Variants in SDK1 observed in about 807,000 individuals in gnomAD.
SDK1 encodes sidekick cell adhesion molecule 1, also known as protein sidekick-1.
A neutral mutation model predicts 245.5 loss-of-function variants in SDK1; 157 were observed. The ratio of observed to expected loss-of-function variants is 0.64; its 90% confidence interval spans 0.56 to 0.73. SDK1 has a LOEUF of 0.73. Ranked by LOEUF, SDK1 falls within the 30% of genes least tolerant of loss-of-function variation. The probability of loss-of-function intolerance (pLI) is 0.00; values close to 1 mark genes in which losing one functional copy is unlikely to be tolerated. For missense variants in SDK1, 3,583 were observed against 3,002.3 expected, an observed-to-expected ratio of 1.19 and a Z score of -4.52; for synonymous variants, 1,647 against 1,278.5, an observed-to-expected ratio of 1.29 and a Z score of -6.15.
At chr7:3,408,659 G>C (rs748546363) in intron 1 of SDK1, among the ~76,000 whole-genome samples, 1 of 152,074 alleles carries the variant, frequency 6.6e-6, no homozygotes, top group Non-Finnish European at 1.5e-5. Context: ...TTGTATAAAC[G>C]TATCAATTTG....
chr7:4,084,942 T>C (rs1781338104), intron 22 of SDK1, among the ~76,000 whole-genome samples: 1 of 152,054 alleles, frequency 6.6e-6, no homozygotes, highest in African/African-American at 2.4e-5. Context: ...TTTATATTTT[T>C]AGTAGAGATG....
intron 5 of SDK1, among the ~76,000 whole-genome samples, chr7:3,885,552 G>A (rs189647433): frequency 9.8e-5 from 15 of 152,306 alleles, no homozygotes; most frequent in Non-Finnish European, 2.2e-4. Flanking sequence ...CCTCAGGCCT[G>A]TACCACCTGG....
Position 4,268,616 on chromosome 7 carries a change from C to T in SDK1, c.*3232C>T. The T allele has an allele frequency of 2.9e-6, 4 of 1,366,966 alleles. No individual in the cohort carries two copies. Among genetic ancestry groups the T allele is most frequent in the Non-Finnish European group, 3.9e-6 (4 of 1,021,470 alleles). The allele number at this position is 1,366,966 out of a possible 1,614,324, so 84.7% of individuals were successfully genotyped here. Reference sequence around the variant, plus strand: ...GTATCTAACTGTGACTGGGCTGAAGCATGATGTTTGCCTAATGGTTCGTAG... The same window carrying T: ...GTATCTAACTGTGACTGGGCTGAAGTATGATGTTTGCCTAATGGTTCGTAG... On this transcript the variant is annotated 3_prime_UTR_variant, in exon 45 of 45. Transcript: ENST00000404826.
chr7:4,238,059 C>G (rs1786290858), intron 42 of SDK1, among the ~76,000 whole-genome samples: 1 of 151,812 alleles, frequency 6.6e-6, no homozygotes, highest in African/African-American at 2.4e-5. Context: ...TCAGAGATCC[C>G]CACTCTGTAC....
At chr7:3,792,711 TCC>T (rs1778842210) in intron 4 of SDK1, among the ~76,000 whole-genome samples, 1 of 151,310 alleles carries the variant, frequency 6.6e-6, no homozygotes, top group Non-Finnish European at 1.5e-5. Flanking sequence ...CATCCATCCA[TCC>T]ATCCATCCGT....
At chr7:3,460,955 A>G (rs1562499547) in intron 1 of SDK1, among the ~76,000 whole-genome samples, 1 of 152,224 alleles carries the variant, frequency 6.6e-6, no homozygotes, top group African/African-American at 2.4e-5. Context: ...TTATAAAAAC[A>G]TGAACATTCA....
At chr7:3,818,545 T>C (rs567130756) in intron 4 of SDK1, among the ~76,000 whole-genome samples, 1 of 152,338 alleles carries the variant, frequency 6.6e-6, no homozygotes, top group Non-Finnish European at 1.5e-5. Context: ...TACATAGGAC[T>C]TATTTGCAGT....
intron 1 of SDK1, among the ~76,000 whole-genome samples, chr7:3,589,471 G>A (rs1268904247): frequency 6.6e-6 from 1 of 152,150 alleles, no homozygotes; most frequent in East Asian, 1.9e-4. Flanking sequence ...ATTACTATTG[G>A]CTGCTGTGAG....
chr7:4,015,532 G>A (rs1217812731), intron 16 of SDK1, among the ~76,000 whole-genome samples: 1 of 152,172 alleles, frequency 6.6e-6, no homozygotes, highest in East Asian at 1.9e-4. Context: ...GTGAATCCAT[G>A]CCAAGCCTTT....
intron 2 of SDK1, among the ~76,000 whole-genome samples, chr7:3,633,271 T>A (rs531279115): frequency 1.2e-4 from 18 of 152,282 alleles, no homozygotes; most frequent in Admixed American, 5.9e-4. Flanking sequence ...GAGAAAAATC[T>A]TACATCTAAT....
At chr7:3,732,031 C>T (rs1779194390) in intron 4 of SDK1, among the ~76,000 whole-genome samples, 1 of 152,180 alleles carries the variant, frequency 6.6e-6, no homozygotes, top group South Asian at 2.1e-4. Context: ...ACCTCGTGAT[C>T]CACCCGCCTC....
chr7:3,779,661 G>A (rs536895570), intron 4 of SDK1, among the ~76,000 whole-genome samples: 18 of 152,212 alleles, frequency 1.2e-4, no homozygotes, highest in Admixed American at 2.0e-4. Flanking sequence ...GTCCGGGCGC[G>A]GTGGCTCACG....
intron 1 of SDK1, among the ~76,000 whole-genome samples, chr7:3,419,638 C>G (rs1779482685): frequency 6.6e-6 from 1 of 152,192 alleles, no homozygotes; most frequent in South Asian, 2.1e-4. Context: ...AGTCATCTTT[C>G]ACAATGTCGA....
At chr7:3,738,106 TC>T (rs1226789906) in intron 4 of SDK1, among the ~76,000 whole-genome samples, 1 of 152,240 alleles carries the variant, frequency 6.6e-6, no homozygotes, top group African/African-American at 2.4e-5. Flanking sequence ...TCTTGTTACA[TC>T]CAAGAAATCA....
At chr7:3,325,649 G>C (rs1292759355) in intron 1 of SDK1, among the ~76,000 whole-genome samples, 1 of 152,084 alleles carries the variant, frequency 6.6e-6, no homozygotes, top group Non-Finnish European at 1.5e-5. Context: ...TCAACAAAAT[G>C]AACCAGCTTC....
At chr7:3,658,954 A>G (rs773027137) in intron 4 of SDK1, among the ~76,000 whole-genome samples, 1 of 152,068 alleles carries the variant, frequency 6.6e-6, no homozygotes, top group Non-Finnish European at 1.5e-5. Context: ...CCATCACCCC[A>G]GAAGAAAACC....
intron 5 of SDK1, among the ~76,000 whole-genome samples, chr7:3,856,951 T>C (rs916132986): frequency 6.6e-6 from 1 of 152,158 alleles, no homozygotes; most frequent in Non-Finnish European, 1.5e-5. Context: ...CAAAGAGGGA[T>C]ATTTCCTGCT....
intron 35 of SDK1, among the ~76,000 whole-genome samples, chr7:4,193,112 T>A (rs1783308255): frequency 7.5e-6 from 1 of 134,114 alleles, no homozygotes; most frequent in Non-Finnish European, 1.5e-5. Flanking sequence ...TATAAATATA[T>A]TAAAATATAT....
At chr7:3,468,784 G>A (rs915629660) in intron 1 of SDK1, among the ~76,000 whole-genome samples, 4 of 152,090 alleles carry the variant, frequency 2.6e-5, no homozygotes, top group African/African-American at 4.8e-5. Context: ...GCATAAAAGT[G>A]GACAACTTCC....
Sources: gnomAD v4.1 joint callset for allele counts (sites outside exome capture counted in the v4.1 genomes callset) on GRCh38, gnomAD v4.1.1 for gene constraint, MANE v1.5 for transcripts, NCBI Gene and HGNC (gene_info 2026-07-23, HGNC 2026-07-21) for gene names.